OXR1: variants seen among roughly 807,000 people sequenced by gnomAD.
OXR1 encodes oxidation resistance protein 1.
A neutral mutation model predicts 104.6 loss-of-function variants in OXR1; 41 were observed. The ratio of observed to expected loss-of-function variants is 0.39; its 90% confidence interval spans 0.31 to 0.51. The LOEUF (loss-of-function observed/expected upper bound fraction) is 0.51. Among genes scored for constraint, OXR1 ranks in the 20% least tolerant of loss-of-function variants. OXR1 has a pLI of 0.77. For synonymous variants in OXR1, 348 were observed against 348.4 expected (o/e 1.00, Z 0.01); for missense variants, 955 against 1,031.9 (o/e 0.93, Z 1.02).
intron 3 of OXR1, among the ~76,000 whole-genome samples, chr8:106,583,801 A>G (rs113106390): frequency 1.1e-3 from 169 of 152,266 alleles, no homozygotes; most frequent in African/African-American, 3.7e-3. Context: ...TTGACCTAGG[A>G]GAGAAGACTT....
rs575255204 is a variant in OXR1 at position 106,296,905 on chromosome 8, A to G, written c.-139+26538A>G. On this transcript the variant is annotated intron_variant, in intron 1 of 16. Transcript: ENST00000517566. Reference sequence around the variant, plus strand: ...GTATTTATTTTGAACTGAATTGGTAACAGATGCTGTATGAATATTGCTTTT... The same window carrying G: ...GTATTTATTTTGAACTGAATTGGTAGCAGATGCTGTATGAATATTGCTTTT... Among the ~76,000 whole-genome samples, 50 of 152,334 alleles carry G rather than the reference A, an allele frequency of 3.3e-4. 2 individuals carry two copies. The South Asian group carries it at 0.01, about 32-fold the overall frequency.
At chr8:106,394,205 A>T (rs138996330) in intron 2 of OXR1, among the ~76,000 whole-genome samples, 1,876 of 152,088 alleles carry the variant, frequency 0.012, 35 homozygotes, top group African/African-American at 0.043. Context: ...CCCCAAAATC[A>T]TGACAACATG....
intron 2 of OXR1, among the ~76,000 whole-genome samples, chr8:106,394,729 G>A (rs1817710554): frequency 6.6e-6 from 1 of 152,094 alleles, no homozygotes; most frequent in Admixed American, 6.6e-5. Flanking sequence ...GAGCAATTTG[G>A]TGGTTGCCAA....
chr8:106,394,285 T>C (rs1221203031), intron 2 of OXR1, among the ~76,000 whole-genome samples: 2 of 150,920 alleles, frequency 1.3e-5, no homozygotes, highest in Non-Finnish European at 2.9e-5. Flanking sequence ...ATAGATATGC[T>C]ATACAACTGT....
chr8:106,312,324 T>C (rs1813739382), intron 1 of OXR1, among the ~76,000 whole-genome samples: 1 of 152,188 alleles, frequency 6.6e-6, no homozygotes. Flanking sequence ...GGATCATTTG[T>C]AGTCAAAAAT....
At chr8:106,482,202 A>G (rs936042716) in intron 2 of OXR1, among the ~76,000 whole-genome samples, 8 of 151,968 alleles carry the variant, frequency 5.3e-5, no homozygotes, top group Admixed American at 5.3e-4. Flanking sequence ...ATACTTCCGC[A>G]TCTTGGTGGA....
intron 3 of OXR1, among the ~76,000 whole-genome samples, chr8:106,619,654 T>TA (rs1025770278): frequency 6.6e-6 from 1 of 152,122 alleles, no homozygotes; most frequent in African/African-American, 2.4e-5. Context: ...GCCTTTGTAA[T>TA]AAAAAAATAC....
chr8:106,708,875 T>C (rs1168426212), intron 9 of OXR1, among the ~76,000 whole-genome samples: 1 of 151,586 alleles, frequency 6.6e-6, no homozygotes, highest in Non-Finnish European at 1.5e-5. Flanking sequence ...CTGCACCATT[T>C]TACCTTCCCT....
chr8:106,329,504 C>A (rs1235122688), intron 1 of OXR1, among the ~76,000 whole-genome samples: 2 of 152,008 alleles, frequency 1.3e-5, no homozygotes, highest in African/African-American at 4.8e-5. Context: ...CCCTCCACCA[C>A]GCCTGGCTAA....
rs540045796 is a variant in OXR1 at position 106,559,802 on chromosome 8, A to G, written c.220+40663A>G. Among the ~76,000 whole-genome samples, 216 of 152,102 alleles carry G rather than the reference A, an allele frequency of 1.4e-3. 1 individual carries two copies. Among genetic ancestry groups the G allele is most frequent in the Non-Finnish European group, 1.9e-3 (131 of 68,008 alleles). ...GGGGCGGAACCTCATGACCTAGTCA[A>G]CTCCCAAATGTTCTACCTCTTAGCA... On this transcript the variant is annotated intron_variant, in intron 3 of 16. Transcript: ENST00000517566.
At chr8:106,566,399 G>A (rs1303804369) in intron 3 of OXR1, among the ~76,000 whole-genome samples, 1 of 152,134 alleles carries the variant, frequency 6.6e-6, no homozygotes, top group East Asian at 1.9e-4. Flanking sequence ...TTAAAGAAAT[G>A]CAAATCAAAA....
intron 2 of OXR1, among the ~76,000 whole-genome samples, chr8:106,415,493 C>CTTTG (rs1554571043): frequency 6.7e-6 from 1 of 148,908 alleles, no homozygotes; most frequent in African/African-American, 2.5e-5. Context: ...AATTTTAAGA[C>CTTTG]TGTGTGTGTG....
chr8:106,683,053 GT>G, intron 4 of OXR1, 145 bp from the exon 5 acceptor site: 1 of 514,354 alleles, frequency 1.9e-6, no homozygotes, highest in Non-Finnish European at 3.5e-6. Flanking sequence ...AAAACACAGT[GT>G]TTCTTGACAG....
intron 2 of OXR1, among the ~76,000 whole-genome samples, chr8:106,475,438 G>T (rs1329701708): frequency 1.3e-5 from 2 of 151,910 alleles, no homozygotes; most frequent in African/African-American, 2.4e-5. Context: ...GGTGGGGTTG[G>T]TTTTACTGTC....
At chr8:106,714,395 C>T (rs1832027194) in intron 11 of OXR1, among the ~76,000 whole-genome samples, 3 of 152,038 alleles carry the variant, frequency 2.0e-5, no homozygotes, top group South Asian at 2.1e-4. Context: ...TTTAACACAT[C>T]TGTGCATAGT....
At chr8:106,394,454 C>T (rs1409963603) in intron 2 of OXR1, among the ~76,000 whole-genome samples, 1 of 151,942 alleles carries the variant, frequency 6.6e-6, no homozygotes, top group African/African-American at 2.4e-5. Flanking sequence ...TAATCATTAT[C>T]ATTAAAAACT....
chr8:106,274,381 G>C (rs1483407893), intron 1 of OXR1, among the ~76,000 whole-genome samples: 1 of 152,108 alleles, frequency 6.6e-6, no homozygotes, highest in Admixed American at 6.5e-5. Flanking sequence ...ACTAAAATTT[G>C]GTCGTTGTAT....
At chr8:106,539,858 C>T (rs542214327) in intron 3 of OXR1, among the ~76,000 whole-genome samples, 1 of 152,250 alleles carries the variant, frequency 6.6e-6, no homozygotes, top group Admixed American at 6.5e-5. Flanking sequence ...TCATTCATAT[C>T]TTTGACTCAT....
chr8:106,741,001 C>G (rs1404483427), intron 14 of OXR1, among the ~76,000 whole-genome samples: 1 of 152,070 alleles, frequency 6.6e-6, no homozygotes, highest in Admixed American at 6.5e-5. Context: ...GAACAAAACA[C>G]TGGTATTACT....
Sources: gnomAD v4.1 joint callset for allele counts (sites outside exome capture counted in the v4.1 genomes callset) on GRCh38, gnomAD v4.1.1 for gene constraint, MANE v1.5 for transcripts, NCBI Gene and HGNC (gene_info 2026-07-23, HGNC 2026-07-21) for gene names.